SUGCT: variants seen among roughly 807,000 people sequenced by gnomAD.
SUGCT encodes succinyl-CoA:glutarate CoA-transferase.
In SUGCT, 41 loss-of-function variants were observed where a neutral mutation model predicts 55.0. The observed-to-expected ratio is 0.74, with a 90% CI of 0.58 to 0.97. The LOEUF is 0.97. SUGCT is among the 50% of genes least tolerant of loss of function. SUGCT has a pLI of 0.00. For missense variants in SUGCT, 568 were observed against 547.8 expected (o/e 1.04, Z -0.37); for synonymous variants, 187 against 200.4 (o/e 0.93, Z 0.56).
chr7:40,361,803 C>T (rs1798168632), intron 9 of SUGCT, among the ~76,000 whole-genome samples: 1 of 151,750 alleles, frequency 6.6e-6, no homozygotes, highest in South Asian at 2.1e-4. Context: ...AGTGAGATCT[C>T]AGGGAGGGAT....
chr7:40,361,113 G>A (rs79841539), intron 9 of SUGCT, among the ~76,000 whole-genome samples: 15,379 of 152,076 alleles, frequency 0.1, 1,166 homozygotes, highest in East Asian at 0.45. Context: ...GGAGGAGTAG[G>A]TTGTGTCTGG....
chr7:40,890,829 T>C, the SUGCT span, among the ~76,000 whole-genome samples: 3 of 152,148 alleles, frequency 2.0e-5, no homozygotes, highest in Non-Finnish European at 4.4e-5. Context: ...GAAATGGATA[T>C]CTATGAACCT....
At chr7:40,400,398 G>A (rs549975801) in intron 9 of SUGCT, among the ~76,000 whole-genome samples, 4 of 152,308 alleles carry the variant, frequency 2.6e-5, no homozygotes, top group African/African-American at 7.2e-5. Context: ...GAAGGCAAAG[G>A]AGGAGCAGGC....
chr7:40,414,439 G>A (rs1024477218), intron 9 of SUGCT, among the ~76,000 whole-genome samples: 14 of 152,142 alleles, frequency 9.2e-5, no homozygotes, highest in African/African-American at 3.4e-4. Context: ...GCGGTTTCAG[G>A]CATTCGCTGG....
At chr7:40,901,794 A>G in the SUGCT span, among the ~76,000 whole-genome samples, 1 of 152,250 alleles carries the variant, frequency 6.6e-6, no homozygotes, top group Admixed American at 6.5e-5. Flanking sequence ...AAGTTTTAAA[A>G]TAGTGCAGAA....
intron 12 of SUGCT, among the ~76,000 whole-genome samples, chr7:40,602,449 G>A (rs542420195): frequency 9.2e-5 from 14 of 152,286 alleles, no homozygotes; most frequent in South Asian, 8.3e-4. Flanking sequence ...AGGAGGTAAC[G>A]ACTGGTCAGC....
chr7:40,400,525 T>G lies in SUGCT; in HGVS notation c.817-48762T>G, dbSNP rs565672822. Among the ~76,000 whole-genome samples, 4 of 152,280 alleles carry G rather than the reference T, an allele frequency of 2.6e-5. No individual in the cohort carries two copies. The East Asian group carries it at 7.7e-4, about 29-fold the overall frequency. ...GATTGAGTGACAGTTCTATTTTTAG[T>G]TAAGAGGCGATATACTCTTCATGAA... On this transcript the variant is annotated intron_variant, in intron 9 of 13. Coordinates refer to ENST00000335693, the MANE Select transcript of SUGCT (RefSeq NM_001193313.2).
chr7:40,196,203 G>A (rs1280544535), intron 6 of SUGCT, among the ~76,000 whole-genome samples: 2 of 152,098 alleles, frequency 1.3e-5, no homozygotes, highest in Non-Finnish European at 2.9e-5. Context: ...AAAAAGTCAC[G>A]GTGTTACTTA....
At chr7:40,854,701 G>A (rs949378763) in intron 13 of SUGCT, among the ~76,000 whole-genome samples, 2 of 151,968 alleles carry the variant, frequency 1.3e-5, no homozygotes, top group African/African-American at 4.8e-5. Flanking sequence ...TAGCTACTTG[G>A]GAGGCTGAGG....
the SUGCT span, among the ~76,000 whole-genome samples, chr7:41,037,886 A>G: frequency 6.6e-6 from 1 of 152,170 alleles, no homozygotes; most frequent in South Asian, 2.1e-4. Flanking sequence ...AAACTGCAAT[A>G]AGATTCCTTT....
At chr7:40,433,320 T>C (rs1788002821) in intron 9 of SUGCT, among the ~76,000 whole-genome samples, 1 of 150,748 alleles carries the variant, frequency 6.6e-6, no homozygotes, top group African/African-American at 2.4e-5. Context: ...TTTGATTGGG[T>C]CATGTTTTCT....
chr7:40,830,472 C>T (rs1300509627), intron 13 of SUGCT, among the ~76,000 whole-genome samples: 1 of 152,132 alleles, frequency 6.6e-6, no homozygotes, highest in Non-Finnish European at 1.5e-5. Flanking sequence ...GACAGCCTGG[C>T]CTTTACTCTG....
At chr7:40,760,450 G>C (rs1788475568) in intron 13 of SUGCT, among the ~76,000 whole-genome samples, 1 of 152,066 alleles carries the variant, frequency 6.6e-6, no homozygotes, top group African/African-American at 2.4e-5. Flanking sequence ...AGAGGGGTAT[G>C]GCCAGTTAGT....
the SUGCT span, among the ~76,000 whole-genome samples, chr7:41,024,303 G>A: frequency 6.6e-6 from 1 of 152,100 alleles, no homozygotes; most frequent in African/African-American, 2.4e-5. Context: ...TTCACTAACC[G>A]AGACACACAA....
chr7:40,628,727 CTGTGTG>C lies in SUGCT; in HGVS notation c.1090-120683_1090-120678del, dbSNP rs111460243. ...AGTTTTTGGGTGTGTGTGTTTTGTT[CTGTGTG>C]TGTGTGTGTGTGTGTGTGTGTGTTT... is the stretch of plus-strand genomic sequence containing the variant. On this transcript the variant is annotated intron_variant, in intron 12 of 13. Coordinates refer to ENST00000335693, the MANE Select transcript of SUGCT (RefSeq NM_001193313.2). Among the ~76,000 whole-genome samples, 380 of 147,596 alleles carry C rather than the reference CTGTGTG, an allele frequency of 2.6e-3. 3 individuals carry two copies. The highest frequency in any genetic ancestry group is 8.5e-3 in the African/African-American group (340 of 40,198).
intron 13 of SUGCT, among the ~76,000 whole-genome samples, chr7:40,797,383 T>A (rs1008945085): frequency 2.0e-5 from 3 of 151,434 alleles, no homozygotes; most frequent in African/African-American, 2.4e-5. Flanking sequence ...ACTCAAGACC[T>A]CCGAAACTAC....
chr7:40,988,800 G>T, the SUGCT span, among the ~76,000 whole-genome samples: 1 of 152,088 alleles, frequency 6.6e-6, no homozygotes, highest in Admixed American at 6.6e-5. Flanking sequence ...ATAAGAAAAT[G>T]CTGAAATTCC....
intron 12 of SUGCT, chr7:40,538,544 C>T (rs918894418): frequency 6.6e-6 from 1 of 152,130 alleles, no homozygotes; most frequent in African/African-American, 2.4e-5. Context: ...GCATTCTGTC[C>T]TCTAAGTTTC....
chr7:40,441,506 TG>T (rs1433101607), intron 9 of SUGCT, among the ~76,000 whole-genome samples: 1 of 152,146 alleles, frequency 6.6e-6, no homozygotes, highest in Non-Finnish European at 1.5e-5. Flanking sequence ...GAACTTAGAA[TG>T]TTGAAGCAAA....
Sources: gnomAD v4.1 joint callset for allele counts (sites outside exome capture counted in the v4.1 genomes callset) on GRCh38, gnomAD v4.1.1 for gene constraint, MANE v1.5 for transcripts, NCBI Gene and HGNC (gene_info 2026-07-23, HGNC 2026-07-21) for gene names.